The following KLHL32 variants were observed in gnomAD, a reference collection of about 807,000 sequenced individuals.
The protein encoded by KLHL32 is kelch-like protein 32.
KLHL32 carries 35 observed loss-of-function variants against 64.8 expected under a neutral mutation model. That is an observed-to-expected ratio of 0.54 (90% confidence interval 0.41 to 0.72). The LOEUF (loss-of-function observed/expected upper bound fraction) is 0.72. Ranked by LOEUF, KLHL32 falls within the 30% of genes least tolerant of loss-of-function variation. KLHL32 has a pLI of 0.00. For missense variants in KLHL32, 589 were observed against 768.5 expected, an observed-to-expected ratio of 0.77 and a Z score of 2.76; for synonymous variants, 259 against 281.0, an observed-to-expected ratio of 0.92 and a Z score of 0.78.
chr6:97,012,784 G>A (rs974837004), intron 3 of KLHL32, among the ~76,000 whole-genome samples: 3 of 151,998 alleles, frequency 2.0e-5, no homozygotes, highest in Non-Finnish European at 4.4e-5. Context: ...TATATATGAG[G>A]GTTCTCATAT....
intron 6 of KLHL32, among the ~76,000 whole-genome samples, chr6:97,092,100 C>CA (rs1413438516): frequency 6.6e-6 from 1 of 152,036 alleles, no homozygotes; most frequent in Non-Finnish European, 1.5e-5. Flanking sequence ...AGTGATTCTC[C>CA]AGCCTCCGCC....
At chr6:97,096,972 T>C (rs1162647663) in intron 6 of KLHL32, among the ~76,000 whole-genome samples, 3 of 152,164 alleles carry the variant, frequency 2.0e-5, no homozygotes, top group Non-Finnish European at 2.9e-5. Flanking sequence ...TTTTAGTCAT[T>C]TTGTGCTTTT....
chr6:96,942,740 A>T (rs1771464088), intron 1 of KLHL32, among the ~76,000 whole-genome samples: 1 of 151,498 alleles, frequency 6.6e-6, no homozygotes, highest in Non-Finnish European at 1.5e-5. Context: ...GGAAGAAGAG[A>T]GAGGGGAGAA....
chr6:97,056,788 C>T (rs375374140), intron 4 of KLHL32, among the ~76,000 whole-genome samples: 117 of 152,270 alleles, frequency 7.7e-4, no homozygotes, highest in African/African-American at 2.7e-3. Flanking sequence ...ACCATAGTCT[C>T]AGCACTTTGG....
rs760738353 is a variant in KLHL32, at chr6:97,114,088, T to C, written c.933T>C (p.Asn311=). The C allele has an allele frequency of 6.2e-7, 1 of 1,614,222 alleles. No individual in the cohort carries two copies. The highest frequency in any genetic ancestry group is 2.2e-5 in the East Asian group (1 of 44,890). Residue 311 remains asparagine, a synonymous_variant, in exon 7 of 11, where the codon AAT becomes AAC. Transcript: ENST00000369261. ...VCKVKELRYF[N]PVDQENALIA... ...AGGTCAAGGAACTTCGGTACTTCAA[T>C]CCTGTTGATCAGGAGAATGCTCTCA...
chr6:97,093,243 G>A (rs1794519399), intron 6 of KLHL32, among the ~76,000 whole-genome samples: 1 of 152,280 alleles, frequency 6.6e-6, no homozygotes, highest in Admixed American at 6.5e-5. Context: ...TAGCGTAGAA[G>A]TCCATCAATA....
chr6:96,975,184 T>C (rs1582543009), intron 2 of KLHL32, among the ~76,000 whole-genome samples: 1 of 152,212 alleles, frequency 6.6e-6, no homozygotes, highest in African/African-American at 2.4e-5. Context: ...TAAGGATAAA[T>C]GTTTTAGGTT....
At chr6:96,982,558 T>C (rs1158693955) in intron 3 of KLHL32, among the ~76,000 whole-genome samples, 1 of 152,178 alleles carries the variant, frequency 6.6e-6, no homozygotes, top group Non-Finnish European at 1.5e-5. Flanking sequence ...TGGAGGTTAA[T>C]ATTGACATGT....
At chr6:96,963,293 T>C (rs956896280) in intron 1 of KLHL32, among the ~76,000 whole-genome samples, 1 of 152,144 alleles carries the variant, frequency 6.6e-6, no homozygotes, top group Non-Finnish European at 1.5e-5. Context: ...GAAAGATGAC[T>C]GGGAAAAGTA....
chr6:97,077,963 A>G (rs1791867026), intron 5 of KLHL32, among the ~76,000 whole-genome samples: 1 of 152,220 alleles, frequency 6.6e-6, no homozygotes, highest in South Asian at 2.1e-4. Context: ...TAGCTTAGTG[A>G]CAAGCTTATG....
In KLHL32 at chr6:97,057,313, A is replaced by T. The variant is rs1292637933; in HGVS notation, c.313-7315A>T. Reference sequence around the variant, plus strand: ...ATTCTCCTGCCTCAGCCTCCTGTGTAGCTGGGACTACAGGCACGCGCCACC... The same window carrying T: ...ATTCTCCTGCCTCAGCCTCCTGTGTTGCTGGGACTACAGGCACGCGCCACC... On this transcript the variant is annotated intron_variant, in intron 4 of 10. Transcript: ENST00000369261. 1.6e-5 allele frequency among the ~76,000 whole-genome samples: 2 copies of T among 121,684 alleles called. 1 individual carries two copies. Among genetic ancestry groups the T allele is most frequent in the African/African-American group, 7.8e-5 (2 of 25,708 alleles). 79.8% of individuals were successfully genotyped at this position (121,684 alleles called of 152,430 possible). A position where few individuals can be genotyped will look rare whatever the true frequency, so the allele number is the denominator to read the frequency against.
At chr6:97,058,575 G>T (rs1164793733) in intron 4 of KLHL32, among the ~76,000 whole-genome samples, 2 of 152,124 alleles carry the variant, frequency 1.3e-5, no homozygotes, top group Non-Finnish European at 2.9e-5. Flanking sequence ...TAATTTCCCA[G>T]GCTCTTTTAC....
At chr6:96,906,797 CT>C in the KLHL32 span, among the ~76,000 whole-genome samples, 1 of 152,028 alleles carries the variant, frequency 6.6e-6, no homozygotes, top group Non-Finnish European at 1.5e-5. Context: ...GTAGTTAATC[CT>C]TTTTAGAGCT....
At chr6:97,011,439 G>A (rs942092992) in intron 3 of KLHL32, among the ~76,000 whole-genome samples, 2 of 152,214 alleles carry the variant, frequency 1.3e-5, no homozygotes, top group African/African-American at 2.4e-5. Context: ...TCACAAGTAT[G>A]TGTGTGGTGG....
chr6:97,079,189 A>G (rs1244242764), intron 5 of KLHL32, among the ~76,000 whole-genome samples: 2 of 152,192 alleles, frequency 1.3e-5, no homozygotes, highest in Non-Finnish European at 2.9e-5. Context: ...TCTTGTATGA[A>G]CTTTGGTCAT....
chr6:97,079,669 C>G (rs934527771), intron 5 of KLHL32, among the ~76,000 whole-genome samples: 13 of 152,020 alleles, frequency 8.6e-5, no homozygotes, highest in Non-Finnish European at 1.8e-4. Context: ...TATGGCTCCT[C>G]TTCTCTTATT....
chr6:96,982,390 C>T (rs554510590), intron 3 of KLHL32, among the ~76,000 whole-genome samples: 5 of 152,152 alleles, frequency 3.3e-5, no homozygotes, highest in Admixed American at 6.5e-5. Flanking sequence ...TTTCCATTTT[C>T]TGTTTGCTTG....
chr6:97,031,496 C>T (rs1198040725), intron 3 of KLHL32, among the ~76,000 whole-genome samples: 1 of 151,930 alleles, frequency 6.6e-6, no homozygotes, highest in African/African-American at 2.4e-5. Flanking sequence ...CCACCATGCT[C>T]AGCTAATTTT....
At chr6:96,969,495 G>A (rs2128037079) in intron 2 of KLHL32, among the ~76,000 whole-genome samples, 1 of 152,142 alleles carries the variant, frequency 6.6e-6, no homozygotes, top group South Asian at 2.1e-4. Context: ...ATTTGCTTGA[G>A]AAAACCCCAA....
Sources: gnomAD v4.1 joint callset for allele counts (sites outside exome capture counted in the v4.1 genomes callset) on GRCh38, gnomAD v4.1.1 for gene constraint, MANE v1.5 for transcripts, NCBI Gene and HGNC (gene_info 2026-07-23, HGNC 2026-07-21) for gene names.